SNX29: variants seen among roughly 807,000 people sequenced by gnomAD.
The protein encoded by SNX29 is sorting nexin 29.
Under a neutral mutation model 102.1 loss-of-function variants are expected in SNX29, and 78 were observed. The ratio of observed to expected loss-of-function variants is 0.76; its 90% CI spans 0.64 to 0.92. SNX29 has a LOEUF of 0.92. Among genes scored for constraint, SNX29 ranks in the 40% least tolerant of loss-of-function variants. The pLI is 0.00. For synonymous variants in SNX29, 580 were observed against 414.5 expected, an observed-to-expected ratio of 1.40 and a Z score of -4.85; for missense variants, 1,280 against 1,061.7, an observed-to-expected ratio of 1.21 and a Z score of -2.86.
At chr16:12,536,638 A>G (rs1309058911) in intron 20 of SNX29, among the ~76,000 whole-genome samples, 1 of 152,186 alleles carries the variant, frequency 6.6e-6, no homozygotes, top group African/African-American at 2.4e-5. Context: ...GGGTGTATAC[A>G]GCTAATTTCT....
At chr16:12,552,391 G>A (rs559861027) in intron 20 of SNX29, among the ~76,000 whole-genome samples, 3 of 152,346 alleles carry the variant, frequency 2.0e-5, no homozygotes, top group East Asian at 1.9e-4. Flanking sequence ...CATGGTACCT[G>A]GCGCAGAGCA....
At chr16:12,188,116 A>G (rs1208968073) in intron 13 of SNX29, among the ~76,000 whole-genome samples, 1 of 152,214 alleles carries the variant, frequency 6.6e-6, no homozygotes, top group Non-Finnish European at 1.5e-5. Flanking sequence ...GAATATGATG[A>G]CACTGGAGCC....
At chr16:12,199,760 C>T in intron 14 of SNX29, 77 bp downstream of exon 14, 1 of 1,204,690 alleles carries the variant, frequency 8.3e-7, no homozygotes, top group South Asian at 1.3e-5. Context: ...GCAATAGACA[C>T]TCAATGTGTG....
chr16:12,237,676 G>A (rs1194966881), intron 14 of SNX29, among the ~76,000 whole-genome samples: 2 of 151,890 alleles, frequency 1.3e-5, no homozygotes, highest in Admixed American at 6.6e-5. Context: ...GGAGGCTGAG[G>A]TGGATGGATC....
At position 12,529,676 on chromosome 16, in the gene SNX29, G is replaced by A. The variant is rs562057484; in HGVS notation, c.2318+4835G>A. Among the ~76,000 whole-genome samples the A allele has an allele frequency of 1.6e-3, 238 of 152,020 alleles. 1 individual carries two copies. The highest frequency in any genetic ancestry group is 0.013 in the South Asian group (61 of 4,806). On this transcript the variant is annotated intron_variant, in intron 20 of 20. Transcript: ENST00000566228. ...AAACCCAGTCTGGGTTTCCCCCGCC[G>A]CCGCCCCCATTTGCTGCTGCATTCT...
chr16:12,072,683 A>G (rs533780715), intron 10 of SNX29, among the ~76,000 whole-genome samples: 2,267 of 152,268 alleles, frequency 0.015, 57 homozygotes, highest in African/African-American at 0.051. Flanking sequence ...CTGGCCTCAT[A>G]AAATGAGTTA....
At chr16:12,539,442 G>A (rs1225152114) in intron 20 of SNX29, among the ~76,000 whole-genome samples, 1 of 152,168 alleles carries the variant, frequency 6.6e-6, no homozygotes, top group African/African-American at 2.4e-5. Flanking sequence ...TTTTATTACT[G>A]AGCAGAGTTT....
intron 11 of SNX29, among the ~76,000 whole-genome samples, chr16:12,119,718 T>C (rs1262240253): frequency 6.6e-6 from 1 of 152,126 alleles, no homozygotes; most frequent in Non-Finnish European, 1.5e-5. Context: ...ACTGCCCGCT[T>C]GGGGGGACAG....
intron 15 of SNX29, among the ~76,000 whole-genome samples, chr16:12,300,245 T>C (rs1171963044): frequency 1.3e-5 from 2 of 152,202 alleles, no homozygotes; most frequent in African/African-American, 4.8e-5. Context: ...TAGTTTTAAT[T>C]TGCATTTCTC....
At chr16:12,170,044 C>CT (rs1490034632) in intron 13 of SNX29, among the ~76,000 whole-genome samples, 3 of 152,144 alleles carry the variant, frequency 2.0e-5, no homozygotes, top group African/African-American at 7.2e-5. Context: ...GACACTTGGG[C>CT]TGGATAATCC....
chr16:12,253,153 T>C (rs1392172261), intron 14 of SNX29, among the ~76,000 whole-genome samples: 3 of 152,146 alleles, frequency 2.0e-5, no homozygotes, highest in African/African-American at 7.2e-5. Context: ...AGGCAAGTGC[T>C]TGAGATGAGA....
In SNX29 at chr16:12,383,225, T is replaced by C. The variant is rs549745958; in HGVS notation, c.1900-15221T>C. 1.3e-3 allele frequency among the ~76,000 whole-genome samples: 202 copies of C among 152,278 alleles called. 1 individual carries two copies. Among genetic ancestry groups the C allele is most frequent in the Non-Finnish European group, 2.2e-3 (148 of 68,014 alleles). ...TGGAGCTTATCCTTCCAGACCTTCC[T>C]GTTAGGGTGGAAAGATACATGCAAT... On this transcript the variant is annotated intron_variant, in intron 16 of 20. Transcript: ENST00000566228.
rs149554211 is a variant in SNX29, at chr16:12,160,035, G to A, written c.1595+30277G>A. On this transcript the variant is annotated intron_variant, in intron 13 of 20. Transcript: ENST00000566228. Reference sequence around the variant, plus strand: ...AGTAAGTCCCTTTCCAAAAGCGCAGGCTAGTCAGATGTCTCTAACAAATGG... The same window carrying A: ...AGTAAGTCCCTTTCCAAAAGCGCAGACTAGTCAGATGTCTCTAACAAATGG... Among the ~76,000 whole-genome samples the A allele has an allele frequency of 4.0e-3, 605 of 152,296 alleles. 10 individuals are homozygous for A. Among genetic ancestry groups the A allele is most frequent in the South Asian group, 0.035 (171 of 4,818 alleles).
intron 3 of SNX29, among the ~76,000 whole-genome samples, chr16:12,012,620 G>A (rs1006581195): frequency 2.6e-5 from 4 of 152,010 alleles, no homozygotes; most frequent in Non-Finnish European, 5.9e-5. Context: ...TGTTGGCCAG[G>A]CTGGTCTTAA....
chr16:12,401,509 G>A (rs571319353), intron 17 of SNX29, among the ~76,000 whole-genome samples: 34 of 151,718 alleles, frequency 2.2e-4, no homozygotes, highest in African/African-American at 3.6e-4. Context: ...GACTACAGGC[G>A]CGTGCCACCA....
At chr16:12,348,905 G>A (rs1352092050) in intron 15 of SNX29, among the ~76,000 whole-genome samples, 2 of 149,564 alleles carry the variant, frequency 1.3e-5, no homozygotes, top group African/African-American at 2.6e-5. Context: ...AACATTCCTC[G>A]TGCGCAGGGA....
chr16:12,056,808 T>TTTTTG (rs1051425873), intron 8 of SNX29, among the ~76,000 whole-genome samples: 3 of 152,290 alleles, frequency 2.0e-5, no homozygotes, highest in Admixed American at 2.0e-4. Context: ...TTTTGTTCTT[T>TTTTTG]TTTTGTTTTG....
intron 11 of SNX29, among the ~76,000 whole-genome samples, chr16:12,119,135 G>T (rs1244374260): frequency 6.6e-6 from 1 of 152,170 alleles, no homozygotes; most frequent in Middle Eastern, 3.2e-3. Context: ...TGTGACTCCT[G>T]GCTTCTCTCA....
At position 12,289,859 on chromosome 16, in the gene SNX29, A is replaced by G. The variant is rs1373949881; in HGVS notation, c.1782+11823A>G. Among the ~76,000 whole-genome samples, 3 of 152,000 alleles carry G rather than the reference A, an allele frequency of 2.0e-5. No individual in the cohort carries two copies. In the East Asian group the frequency reaches 5.8e-4, roughly 29 times the overall value. ...GTGTGGCCTTGATGGACGCGAGTGA[A>G]AGAGATGTAGTCCTGTCAAGGTTGG... is the stretch of plus-strand genomic sequence containing the variant. On this transcript the variant is annotated intron_variant, in intron 15 of 20. Transcript: ENST00000566228.
Sources: allele counts gnomAD v4.1 joint callset (sites outside exome capture counted in the v4.1 genomes callset), GRCh38; gene constraint gnomAD v4.1.1; transcripts MANE v1.5; gene names NCBI Gene and HGNC (gene_info 2026-07-23, HGNC 2026-07-21).